The following CLEC16A variants were observed in gnomAD, a reference collection of about 807,000 sequenced individuals.
CLEC16A encodes the protein protein CLEC16A.
In CLEC16A, 51 loss-of-function variants were observed where a neutral mutation model predicts 109.5. That is an observed-to-expected ratio of 0.47 (90% CI 0.37 to 0.59). The LOEUF (loss-of-function observed/expected upper bound fraction) is 0.59, where lower values mean the gene tolerates loss of function less well. CLEC16A is among the 20% of genes least tolerant of loss of function. The probability of loss-of-function intolerance (pLI) is 0.00; values close to 1 mark genes in which losing one functional copy is unlikely to be tolerated. For synonymous variants in CLEC16A, 673 were observed against 564.2 expected, an observed-to-expected ratio of 1.19 and a Z score of -2.73; for missense variants, 1,339 against 1,394.0, an observed-to-expected ratio of 0.96 and a Z score of 0.63.
At chr16:11,082,312 C>G (rs968261937) in intron 19 of CLEC16A, among the ~76,000 whole-genome samples, 1 of 152,316 alleles carries the variant, frequency 6.6e-6, no homozygotes, top group Admixed American at 6.5e-5. Flanking sequence ...GGGCCAGGGC[C>G]CTAGGGCTCC....
At chr16:11,067,360 T>G in intron 19 of CLEC16A, among the ~76,000 whole-genome samples, 1 of 142,634 alleles carries the variant, frequency 7.0e-6, no homozygotes, top group East Asian at 2.1e-4. Context: ...TGACGGGGTT[T>G]AACCTGGCTG....
chr16:10,963,060 C>CAA (rs370960419), intron 3 of CLEC16A, among the ~76,000 whole-genome samples: 3 of 150,668 alleles, frequency 2.0e-5, no homozygotes, highest in Non-Finnish European at 3.0e-5. Flanking sequence ...TTGTCTCCAA[C>CAA]AACAACAAAA....
Position 11,083,850 on chromosome 16 carries a change from T to C in CLEC16A, c.2116+22828T>C, listed in dbSNP as rs190565131. On this transcript the variant is annotated intron_variant, in intron 19 of 23. Transcript: ENST00000409790. Reference sequence around the variant, plus strand: ...GGGACCTGACATGAAGAGTCTGTCTTACAGGGCTCAAGGGGATGGCTGTGG... The same window carrying C: ...GGGACCTGACATGAAGAGTCTGTCTCACAGGGCTCAAGGGGATGGCTGTGG... 5.9e-5 allele frequency among the ~76,000 whole-genome samples: 9 copies of C among 152,306 alleles called. No individual in the cohort carries two copies. In the East Asian group the frequency reaches 1.5e-3, roughly 26 times the overall value.
intron 1 of CLEC16A, among the ~76,000 whole-genome samples, chr16:10,946,204 A>T (rs2145576382): frequency 6.6e-6 from 1 of 152,322 alleles, no homozygotes; most frequent in Non-Finnish European, 1.5e-5. Flanking sequence ...GAAAGGAGGA[A>T]GATAGGGTTA....
At chr16:11,094,982 C>T (rs138124355) in intron 19 of CLEC16A, among the ~76,000 whole-genome samples, 2 of 152,130 alleles carry the variant, frequency 1.3e-5, no homozygotes, top group African/African-American at 4.8e-5. Context: ...ACCTGTGATG[C>T]GTTTGAAGTT....
At chr16:10,988,798 A>G (rs2043822069) in intron 10 of CLEC16A, among the ~76,000 whole-genome samples, 1 of 152,192 alleles carries the variant, frequency 6.6e-6, no homozygotes, top group African/African-American at 2.4e-5. Context: ...AATAGCAAAC[A>G]TGGGTTTATG....
chr16:11,045,190 C>G (rs1292767064), intron 16 of CLEC16A, among the ~76,000 whole-genome samples: 1 of 150,326 alleles, frequency 6.7e-6, no homozygotes, highest in East Asian at 2.0e-4. Flanking sequence ...CTAAGAAATA[C>G]AAAAAAAATT....
chr16:10,999,335 C>G (rs1364103261), intron 10 of CLEC16A, among the ~76,000 whole-genome samples: 1 of 152,106 alleles, frequency 6.6e-6, no homozygotes, highest in Admixed American at 6.5e-5. Context: ...GTACACAGTG[C>G]CACTGCTTTT....
In CLEC16A at chr16:11,012,594, CAAAAAAAAAAAA is replaced by C. The variant is rs551902895; in HGVS notation, c.1304-7583_1304-7572del. On this transcript the variant is annotated intron_variant, in intron 11 of 23. Transcript: ENST00000409790. The stretch of plus-strand genomic sequence containing the variant: ...TGGGCGATAGAGTGAGACTCCGTCT[CAAAAAAAAAAAA>C]AAAAAAAAAAAAAAAGAAAGATTTA... Among the ~76,000 whole-genome samples, 679 of 67,942 alleles carry C rather than the reference CAAAAAAAAAAAA, an allele frequency of 1.0e-2. 10 individuals are homozygous for C. The highest frequency in any genetic ancestry group is 0.028 in the African/African-American group (626 of 22,318). 44.6% of individuals were successfully genotyped at this position (67,942 alleles called of 152,430 possible).
intron 11 of CLEC16A, among the ~76,000 whole-genome samples, chr16:11,014,058 A>G (rs903607776): frequency 6.6e-6 from 1 of 152,248 alleles, no homozygotes; most frequent in Non-Finnish European, 1.5e-5. Flanking sequence ...ATGGAATATT[A>G]GCAAACTGAA....
At chr16:11,027,787 T>C (rs868824341) in intron 13 of CLEC16A, 1 of 1,010,980 alleles carries the variant, frequency 9.9e-7, no homozygotes. Context: ...AACTGCAGTA[T>C]ATTTTTGATC....
rs369310040 is a variant in CLEC16A, at chr16:11,120,747, A to G, written c.2249A>G (p.Lys750Arg). 52 of 1,566,392 alleles carry G rather than the reference A, an allele frequency of 3.3e-5. No homozygotes were observed. Among genetic ancestry groups the G allele is most frequent in the Non-Finnish European group, 3.8e-5 (44 of 1,154,346 alleles). The change falls in exon 20 of 24, where the codon AAG (lysine) becomes AGG (arginine). Residue 750 changes from lysine to arginine, a missense_variant. Around this residue, in one of 3 missense-constraint regions of CLEC16A, gnomAD observed 1,061 missense variants for 1,006.8 expected, o/e 1.05. Transcript: ENST00000409790. Reference sequence around the variant, plus strand: ...TCCAGGCTTGGCTGGGGAGTGGTCAAGTTTGCAGGCCTATTGCAGGTAAGA... The same window carrying G: ...TCCAGGCTTGGCTGGGGAGTGGTCAGGTTTGCAGGCCTATTGCAGGTAAGA... ...DVSRLGWGVV[K>R]FAGLLQDMQV...
At chr16:11,079,906 G>A (rs1184471682) in intron 19 of CLEC16A, among the ~76,000 whole-genome samples, 1 of 152,200 alleles carries the variant, frequency 6.6e-6, no homozygotes, top group African/African-American at 2.4e-5. Flanking sequence ...TGGGAAATGT[G>A]AGTCCCAAGC....
intron 19 of CLEC16A, among the ~76,000 whole-genome samples, chr16:11,064,909 C>T (rs1208978031): frequency 6.6e-6 from 1 of 152,214 alleles, no homozygotes; most frequent in Non-Finnish European, 1.5e-5. Context: ...TGGCTGCTTC[C>T]CTGCTGCAGC....
chr16:11,172,347 G>A (rs2068557947), intron 23 of CLEC16A, among the ~76,000 whole-genome samples: 1 of 152,144 alleles, frequency 6.6e-6, no homozygotes, highest in Non-Finnish European at 1.5e-5. Flanking sequence ...CACACTCTGA[G>A]TGAGATGCCG....
intron 19 of CLEC16A, among the ~76,000 whole-genome samples, chr16:11,108,359 G>T (rs1469135147): frequency 1.3e-5 from 2 of 152,254 alleles, no homozygotes; most frequent in Non-Finnish European, 2.9e-5. Flanking sequence ...GTGAAAGGGG[G>T]ACCTTGCCAA....
At chr16:11,106,723 G>C (rs1447531346) in intron 19 of CLEC16A, among the ~76,000 whole-genome samples, 1 of 151,796 alleles carries the variant, frequency 6.6e-6, no homozygotes, top group Non-Finnish European at 1.5e-5. Context: ...TTATTTCAAA[G>C]TAAATTGCAG....
At chr16:10,997,473 C>G (rs1325842434) in intron 10 of CLEC16A, among the ~76,000 whole-genome samples, 1 of 152,194 alleles carries the variant, frequency 6.6e-6, no homozygotes, top group Admixed American at 6.5e-5. Flanking sequence ...ACCATCCTAA[C>G]TTATAAACTT....
At chr16:11,091,558 C>T (rs1441448728) in intron 19 of CLEC16A, among the ~76,000 whole-genome samples, 1 of 152,172 alleles carries the variant, frequency 6.6e-6, no homozygotes, top group African/African-American at 2.4e-5. Flanking sequence ...GGCGCTGGCT[C>T]GGAGATGGGT....
Sources: allele counts gnomAD v4.1 joint callset (sites outside exome capture counted in the v4.1 genomes callset), GRCh38; gene constraint gnomAD v4.1.1; regional missense constraint gnomAD v4.1.1; transcripts MANE v1.5; gene names NCBI Gene and HGNC (gene_info 2026-07-23, HGNC 2026-07-21).